Variants in ETFA observed in about 807,000 individuals in gnomAD.
The protein encoded by ETFA is electron transfer flavoprotein subunit alpha.
In ETFA, 22 loss-of-function variants were observed where a neutral mutation model predicts 46.2. That is an observed-to-expected ratio of 0.48 (90% CI 0.34 to 0.68). The LOEUF (loss-of-function observed/expected upper bound fraction) is 0.68, where lower values mean the gene tolerates loss of function less well. Among genes scored for constraint, ETFA ranks in the 30% least tolerant of loss-of-function variants. The pLI, the probability that ETFA is intolerant of heterozygous loss-of-function variation, is 0.01. For missense variants in ETFA, 345 were observed against 401.1 expected (o/e 0.86, Z 1.19); for synonymous variants, 131 against 139.9 (o/e 0.94, Z 0.45).
chr15:76,283,698 G>T, intron 8 of ETFA, 59 bp downstream of exon 8: 1 of 1,143,490 alleles, frequency 8.7e-7, no homozygotes, highest in Non-Finnish European at 1.3e-6. Flanking sequence ...ATGAAATAAT[G>T]AAGAAAAAAT....
rs2039709430 is a variant in ETFA at position 76,286,856 on chromosome 15, A to C, written c.452-375T>G. Among the ~76,000 whole-genome samples, 3 of 152,358 alleles carry C rather than the reference A, an allele frequency of 2.0e-5. No individual in the cohort carries two copies. The South Asian group carries it at 6.2e-4, about 32-fold the overall frequency. ...GCAACAACTTAGGAAGAATGTAGCT[A>C]CTGTGCATGCTAAAGGAGGAATATC... On this transcript the variant is annotated intron_variant, in intron 5 of 11. Coordinates refer to ENST00000557943, the MANE Select transcript of ETFA (RefSeq NM_000126.4).
intron 10 of ETFA, among the ~76,000 whole-genome samples, chr15:76,227,515 C>CA (rs55873344): frequency 6.2e-5 from 5 of 80,320 alleles, no homozygotes; most frequent in African/African-American, 3.1e-4. Context: ...GACTCTGTCT[C>CA]AAAAAAAAAA....
chr15:76,303,756 A>T (rs1048555865), intron 1 of ETFA, among the ~76,000 whole-genome samples: 2 of 152,248 alleles, frequency 1.3e-5, no homozygotes, highest in Non-Finnish European at 2.9e-5. Flanking sequence ...GAGACATCTC[A>T]CACCAGTCAG....
intron 4 of ETFA, among the ~76,000 whole-genome samples, chr15:76,290,627 C>A (rs1372014401): frequency 6.6e-6 from 1 of 152,008 alleles, no homozygotes; most frequent in African/African-American, 2.4e-5. Context: ...CGTCAGCCAC[C>A]GCACCCTGCC....
At chr15:76,239,787 A>T (rs2039166369) in intron 9 of ETFA, among the ~76,000 whole-genome samples, 3 of 128,838 alleles carry the variant, frequency 2.3e-5, no homozygotes, top group Non-Finnish European at 4.8e-5. Context: ...TGTACATATT[A>T]AAAAAAAAAA....
chr15:76,227,711 A>G (rs974655288), intron 10 of ETFA: 13 of 418,948 alleles, frequency 3.1e-5, no homozygotes, highest in Non-Finnish European at 5.7e-5. Flanking sequence ...GTTTCTACCT[A>G]CCTGGCATTG....
intron 10 of ETFA, among the ~76,000 whole-genome samples, chr15:76,228,409 C>G (rs540102193): frequency 1.3e-5 from 2 of 152,280 alleles, no homozygotes; most frequent in Admixed American, 6.5e-5. Flanking sequence ...CACTCTCCAA[C>G]TCCTGGACTC....
intron 1 of ETFA, among the ~76,000 whole-genome samples, chr15:76,300,217 T>A (rs1353347859): frequency 6.6e-6 from 1 of 152,222 alleles, no homozygotes; most frequent in Non-Finnish European, 1.5e-5. Flanking sequence ...TCCTAAGTGC[T>A]AGACTTATAA....
chr15:76,261,408 G>C (rs1350217342), intron 9 of ETFA: 1 of 1,299,176 alleles, frequency 7.7e-7, no homozygotes, highest in Non-Finnish European at 1.1e-6. Flanking sequence ...TGAGGAAGCC[G>C]ATCCAGTGCT....
chr15:76,286,709 C>T (rs566017220), intron 5 of ETFA, among the ~76,000 whole-genome samples: 1 of 152,194 alleles, frequency 6.6e-6, no homozygotes, highest in East Asian at 1.9e-4. Flanking sequence ...TACTACCACA[C>T]CTAGAAGGAA....
intron 9 of ETFA, among the ~76,000 whole-genome samples, chr15:76,250,062 T>C (rs2141481612): frequency 6.6e-6 from 1 of 152,286 alleles, no homozygotes; most frequent in East Asian, 1.9e-4. Flanking sequence ...ACATTATTTG[T>C]AAGCAAGAAA....
intron 9 of ETFA, among the ~76,000 whole-genome samples, chr15:76,246,726 G>C (rs1167560747): frequency 1.3e-5 from 2 of 151,878 alleles, no homozygotes; most frequent in African/African-American, 4.8e-5. Context: ...CCAGCTACTC[G>C]GGAGGCTGAG....
chr15:76,252,416 C>A (rs967242864), intron 9 of ETFA, among the ~76,000 whole-genome samples: 3 of 152,204 alleles, frequency 2.0e-5, no homozygotes. Context: ...TTATCTTTCA[C>A]CTGAATTTTC....
chr15:76,263,867 AG>A (rs2039444768), intron 9 of ETFA, among the ~76,000 whole-genome samples: 1 of 152,232 alleles, frequency 6.6e-6, no homozygotes, highest in Non-Finnish European at 1.5e-5. Context: ...AACTAAAAAA[AG>A]TATGTTTTAC....
chr15:76,297,189 T>C (rs1025153709), intron 1 of ETFA, among the ~76,000 whole-genome samples: 2 of 152,180 alleles, frequency 1.3e-5, no homozygotes, highest in Non-Finnish European at 2.9e-5. Context: ...GGACAGTTCC[T>C]GGAATGAAAT....
At chr15:76,308,578 T>C (rs887209672) in intron 1 of ETFA, among the ~76,000 whole-genome samples, 1 of 152,064 alleles carries the variant, frequency 6.6e-6, no homozygotes, top group Admixed American at 6.5e-5. Flanking sequence ...AGAAGGCCTG[T>C]ACTCTTCAAA....
intron 8 of ETFA, among the ~76,000 whole-genome samples, chr15:76,281,628 T>C (rs951260963): frequency 6.6e-6 from 1 of 152,216 alleles, no homozygotes; most frequent in African/African-American, 2.4e-5. Flanking sequence ...GGTTTCCCCA[T>C]GTTGGCCAGG....
chr15:76,225,685 AACTTT>A (rs2038997090), intron 11 of ETFA, among the ~76,000 whole-genome samples, 159 bp downstream of exon 11: 1 of 152,342 alleles, frequency 6.6e-6, no homozygotes, highest in South Asian at 2.1e-4. Context: ...AGAGCAACTT[AACTTT>A]AAGTAGGTCA....
intron 9 of ETFA, among the ~76,000 whole-genome samples, chr15:76,258,380 TCAG>T (rs1358400797): frequency 6.6e-6 from 1 of 152,024 alleles, no homozygotes; most frequent in Non-Finnish European, 1.5e-5. Flanking sequence ...TGTGACCCGG[TCAG>T]CTGCAGGGAA....
Sources: gnomAD v4.1 joint callset for allele counts (sites outside exome capture counted in the v4.1 genomes callset) on GRCh38, gnomAD v4.1.1 for gene constraint, MANE v1.5 for transcripts, NCBI Gene and HGNC (gene_info 2026-07-23, HGNC 2026-07-21) for gene names.